Variants in LCK observed in about 807,000 individuals in gnomAD.
LCK encodes tyrosine-protein kinase Lck.
A neutral mutation model predicts 64.6 loss-of-function variants in LCK; 14 were observed. That is an observed-to-expected ratio of 0.22 (90% CI 0.14 to 0.34). The LOEUF (loss-of-function observed/expected upper bound fraction) is 0.34, where lower values mean the gene tolerates loss of function less well. Among genes scored for constraint, LCK ranks in the 10% least tolerant of loss-of-function variants. The pLI is 1.00. For synonymous variants in LCK, 277 were observed against 263.6 expected, an observed-to-expected ratio of 1.05 and a Z score of -0.49; for missense variants, 434 against 668.1, an observed-to-expected ratio of 0.65 and a Z score of 3.86.
intron 1 of LCK, among the ~76,000 whole-genome samples, chr1:32,255,430 ACTTG>A (rs1462651580): frequency 2.0e-5 from 3 of 152,234 alleles, no homozygotes; most frequent in African/African-American, 7.2e-5. Context: ...CTGTTCTGCA[ACTTG>A]CTTGCCATGG....
intron 1 of LCK, among the ~76,000 whole-genome samples, chr1:32,270,815 T>C (rs1640061070): frequency 6.7e-6 from 1 of 148,534 alleles, no homozygotes; most frequent in African/African-American, 2.5e-5. Context: ...GCGATTCTCC[T>C]GCCTCAGCCT....
intron 12 of LCK, 86 bp from the exon 13 acceptor site, chr1:32,285,428 T>C: frequency 8.4e-7 from 1 of 1,183,708 alleles, no homozygotes; most frequent in Non-Finnish European, 1.3e-6. Context: ...GTGCTCACAC[T>C]GTGCCAGTTA....
At chr1:32,281,300 AC>A (rs1398124457) in intron 12 of LCK, among the ~76,000 whole-genome samples, 5 of 151,450 alleles carry the variant, frequency 3.3e-5, no homozygotes, top group Non-Finnish European at 5.9e-5. Flanking sequence ...AACAAAAAAA[AC>A]ATTTAAAAAT....
At chr1:32,259,288 G>GT (rs1557571517) in intron 1 of LCK, among the ~76,000 whole-genome samples, 7 of 4,518 alleles carry the variant, frequency 1.5e-3, no homozygotes, top group African/African-American at 6.3e-3. Flanking sequence ...AGCTTCTCAG[G>GT]TAAAAAAAAA....
Position 32,276,819 on chromosome 1 carries a change from A to AG in LCK, c.964+33_964+34insG, listed in dbSNP as rs1557586205. 6 of 1,552,756 alleles carry AG rather than the reference A, an allele frequency of 3.9e-6. No individual in the cohort carries two copies. The highest frequency in any genetic ancestry group is 5.3e-6 in the Non-Finnish European group (6 of 1,142,748). The stretch of plus-strand genomic sequence containing the variant: ...CTACCCGAGTCGGCTACCAGGGGAT[A>AG]CTGCTCTCCCTGCTGTCCCTGCCAG... On this transcript the variant is annotated intron_variant, in intron 9 of 12. Transcript: ENST00000336890. This position sits in a 1 kb window ranked among gnomAD's most constrained non-coding sequence, Gnocchi z 4.6.
Position 32,276,847 on chromosome 1 carries a change from G to T in LCK, c.964+61G>T, listed in dbSNP as rs1353185870. The T allele has an allele frequency of 6.9e-7, 1 of 1,455,848 alleles. No homozygotes were observed. The highest frequency in any genetic ancestry group is 1.4e-5 in the African/African-American group (1 of 70,780). 90.2% of individuals were successfully genotyped at this position (1,455,848 alleles called of 1,614,324 possible). ...GCTCTCCCTGCTGTCCCTGCCAGAG[G>T]GTGGAAATACACCTTTTCTTCTGGC... On this transcript the variant is annotated intron_variant, in intron 9 of 12. Coordinates refer to ENST00000336890, the MANE Select transcript of LCK (RefSeq NM_005356.5). This position sits in a 1 kb window ranked among gnomAD's most constrained non-coding sequence, Gnocchi z 4.6.
At chr1:32,282,427 T>G (rs1640489300) in intron 12 of LCK, among the ~76,000 whole-genome samples, 2 of 152,226 alleles carry the variant, frequency 1.3e-5, no homozygotes, top group Admixed American at 1.3e-4. Context: ...AACAGATCTT[T>G]TGTTTTTTTA....
intron 1 of LCK, among the ~76,000 whole-genome samples, chr1:32,268,504 G>T (rs929768592): frequency 1.3e-5 from 2 of 151,558 alleles, no homozygotes; most frequent in Non-Finnish European, 2.9e-5. Flanking sequence ...ATAATAATAA[G>T]AGGCTTGCTT....
intron 1 of LCK, among the ~76,000 whole-genome samples, chr1:32,262,485 C>T (rs576678307): frequency 1.1e-4 from 16 of 150,228 alleles, no homozygotes; most frequent in Admixed American, 1.0e-3. Flanking sequence ...TGCAATGGCG[C>T]GATCTCGGCT....
chr1:32,273,360 G>A (rs1389177587), intron 1 of LCK, among the ~76,000 whole-genome samples: 1 of 150,748 alleles, frequency 6.6e-6, no homozygotes, highest in African/African-American at 2.4e-5. Flanking sequence ...GTGTGTGTGT[G>A]AGAGTGTGTG....
intron 12 of LCK, among the ~76,000 whole-genome samples, chr1:32,280,690 C>T (rs978032991): frequency 1.9e-4 from 29 of 151,974 alleles, no homozygotes; most frequent in South Asian, 4.1e-4. Context: ...CTCCTGACCT[C>T]GTGATTGGCC....
At chr1:32,274,106 G>T (rs550743247) in intron 1 of LCK, 2 of 970,430 alleles carry the variant, frequency 2.1e-6, no homozygotes, top group Non-Finnish European at 2.9e-6. Context: ...GGGCTCAGGG[G>T]CCGTGTGTGA....
At position 32,275,711 on chromosome 1, in the gene LCK, C is replaced by T; in HGVS notation, c.481+39C>T. 1 of 1,518,682 alleles carries T rather than the reference C, an allele frequency of 6.6e-7. No individual in the cohort carries two copies. The highest frequency in any genetic ancestry group is 8.9e-7 in the Non-Finnish European group (1 of 1,125,074). The allele number at this position is 1,518,682 out of a possible 1,614,324, so 94.1% of individuals were successfully genotyped here. On this transcript the variant is annotated intron_variant, in intron 6 of 12. Coordinates refer to ENST00000336890, the MANE Select transcript of LCK (RefSeq NM_005356.5). The surrounding 1 kb of genome is among the most constrained non-coding windows in gnomAD (Gnocchi z 6.9). ...GGTCTCGACCGGGCGCGGGGGTGCC[C>T]CGGGGTGTGCCCGAGGGGGGGCGCA...
At chr1:32,257,063 A>G (rs570903052) in intron 1 of LCK, among the ~76,000 whole-genome samples, 1 of 152,280 alleles carries the variant, frequency 6.6e-6, no homozygotes, top group East Asian at 1.9e-4. Flanking sequence ...CTATGTAGCA[A>G]GCACTATGTT....
intron 1 of LCK, among the ~76,000 whole-genome samples, chr1:32,254,882 C>T (rs1639592445): frequency 6.6e-6 from 1 of 152,174 alleles, no homozygotes; most frequent in African/African-American, 2.4e-5. Flanking sequence ...GGCACAGTGG[C>T]TCGCACCTGT....
Position 32,275,344 on chromosome 1 carries a change from A to C in LCK, c.302A>C (p.Gln101Pro). 1 of 1,614,142 alleles carries C rather than the reference A, an allele frequency of 6.2e-7. No individual in the cohort carries two copies. ...AGGAGCGGCGAGTGGTGGAAGGCGCAGTCCCTGACCACGGGCCAGGAAGGC... is the reference window on the plus strand; with the variant it reads ...AGGAGCGGCGAGTGGTGGAAGGCGCCGTCCCTGACCACGGGCCAGGAAGGC... Reference protein sequence around the residue: ...LEQSGEWWKAQSLTTGQEGFI... With the variant: ...LEQSGEWWKAPSLTTGQEGFI... The change falls in exon 5 of 13, where the codon CAG becomes CCG. Residue 101 changes from glutamine to proline, a missense_variant. Coordinates refer to ENST00000336890, the MANE Select transcript of LCK (RefSeq NM_005356.5). This position sits in a 1 kb window ranked among gnomAD's most constrained non-coding sequence, Gnocchi z 6.9.
chr1:32,272,437 C>T (rs1640102328), intron 1 of LCK, among the ~76,000 whole-genome samples: 1 of 151,776 alleles, frequency 6.6e-6, no homozygotes. Context: ...AAAAAATAAT[C>T]AGCTGGGCAT....
At chr1:32,266,745 TCTTCCCCCTCCTCCCCTCCCCCTCCC>T in intron 1 of LCK, among the ~76,000 whole-genome samples, 1 of 9,254 alleles carries the variant, frequency 1.1e-4, no homozygotes, top group African/African-American at 7.9e-4. Context: ...CTCCCCCTCC[TCTTCCCCCTCCTCCCCTCCCCCTCCC>T]CTTCCCCCTC....
intron 12 of LCK, among the ~76,000 whole-genome samples, chr1:32,283,545 T>A (rs1640524801): frequency 6.6e-6 from 1 of 152,178 alleles, no homozygotes; most frequent in Non-Finnish European, 1.5e-5. Flanking sequence ...GCTATGTTAC[T>A]GCTGTGATCA....
Sources: gnomAD v4.1 joint callset for allele counts (sites outside exome capture counted in the v4.1 genomes callset) on GRCh38, gnomAD v4.1.1 for gene constraint, Gnocchi (gnomAD v3.1) non-coding constraint, MANE v1.5 for transcripts, NCBI Gene and HGNC (gene_info 2026-07-23, HGNC 2026-07-21) for gene names.